TMEM164: variants seen among roughly 807,000 people sequenced by gnomAD.
TMEM164 encodes transmembrane protein 164, also known as RP13-360B22.2.
In TMEM164, 4 loss-of-function variants were observed where a neutral mutation model predicts 18.8. That is an observed-to-expected ratio of 0.21 (90% CI 0.10 to 0.49). TMEM164 has a LOEUF of 0.49. Among genes scored for constraint, TMEM164 ranks in the 20% least tolerant of loss-of-function variants. The pLI, the probability that TMEM164 is intolerant of heterozygous loss-of-function variation, is 0.98. For synonymous variants in TMEM164, 86 were observed against 101.7 expected, an observed-to-expected ratio of 0.85 and a Z score of 0.93; for missense variants, 108 against 239.9, an observed-to-expected ratio of 0.45 and a Z score of 3.63.
chrX:110,173,685 G>T lies in TMEM164; in HGVS notation c.*234G>T. Reference sequence around the variant, plus strand: ...GCGCTGGATTTTCCTCCTTCCCTTTGGCTCTCTCTCTGCTCCTAGTGGCCT... The same window carrying T: ...GCGCTGGATTTTCCTCCTTCCCTTTTGCTCTCTCTCTGCTCCTAGTGGCCT... On this transcript the variant is annotated 3_prime_UTR_variant, in exon 7 of 7. Transcript: ENST00000372068. 2.4e-6 allele frequency: 1 copy of T among 409,297 alleles called. No homozygotes were observed. The highest frequency in any genetic ancestry group is 4.1e-5 in the East Asian group (1 of 24,386). The allele number at this position is 409,297 out of a possible 1,213,427, so 33.7% of individuals were successfully genotyped here.
chrX:110,052,984 C>T, intron 2 of TMEM164, among the ~76,000 whole-genome samples: 1 of 110,659 alleles, frequency 9.0e-6, no homozygotes, highest in Middle Eastern at 4.6e-3. Flanking sequence ...ATCTTTTCAC[C>T]TCATGATCTG....
chrX:110,084,393 G>T (rs28532774), intron 3 of TMEM164, among the ~76,000 whole-genome samples: 1 of 4,195 alleles, frequency 2.4e-4, no homozygotes, highest in Non-Finnish European at 3.4e-4. Context: ...TATATATATA[G>T]TATAGTATAT....
chrX:110,120,271 G>A (rs1183740142), intron 4 of TMEM164, among the ~76,000 whole-genome samples: 2 of 111,456 alleles, frequency 1.8e-5, no homozygotes, highest in African/African-American at 3.3e-5. Context: ...AAGGAACAGC[G>A]TCTGGCAGTC....
At chrX:110,180,485 A>AC (rs1235561540), downstream of TMEM164, among the ~76,000 whole-genome samples, 8 of 101,617 alleles carry the variant, frequency 7.9e-5, no homozygotes, top group East Asian at 3.0e-4. Flanking sequence ...TACTGCCTGA[A>AC]CCCCCCCGCC....
intron 3 of TMEM164, 54 bp downstream of exon 3, chrX:110,067,450 T>C: frequency 9.1e-7 from 1 of 1,095,626 alleles, no homozygotes; most frequent in Non-Finnish European, 1.3e-6. Context: ...TTTGTCTGTT[T>C]GCTAACAAGA....
chrX:110,120,712 G>A (rs979258865), intron 4 of TMEM164, among the ~76,000 whole-genome samples: 22 of 111,654 alleles, frequency 2.0e-4, no homozygotes, highest in African/African-American at 7.2e-4. Flanking sequence ...CTTCGATCTA[G>A]CTATAATTTT....
chrX:110,028,840 G>C (rs986718802), intron 2 of TMEM164, among the ~76,000 whole-genome samples: 2 of 111,658 alleles, frequency 1.8e-5, no homozygotes, highest in African/African-American at 6.5e-5. Context: ...TAATCTATCA[G>C]TTACTGGGAG....
intron 4 of TMEM164, among the ~76,000 whole-genome samples, chrX:110,140,938 G>A (rs756082123): frequency 3.6e-5 from 4 of 111,354 alleles, no homozygotes; most frequent in Admixed American, 9.5e-5. Context: ...GGGGAGGCTC[G>A]CTGAGAAAGT....
intron 2 of TMEM164, among the ~76,000 whole-genome samples, chrX:110,028,944 T>C (rs1382948206): frequency 8.9e-6 from 1 of 111,816 alleles, no homozygotes; most frequent in Non-Finnish European, 1.9e-5. Context: ...GGTTGTGTTA[T>C]TAGGTATAGT....
chrX:110,105,186 ATCC>A (rs2066171095), intron 3 of TMEM164, among the ~76,000 whole-genome samples: 3 of 95,341 alleles, frequency 3.1e-5, no homozygotes, highest in Non-Finnish European at 6.1e-5. Context: ...CCATCCATCC[ATCC>A]ATCCATCCAT....
intron 3 of TMEM164, among the ~76,000 whole-genome samples, chrX:110,107,940 A>T (rs913553788): frequency 9.0e-6 from 1 of 110,987 alleles, no homozygotes; most frequent in African/African-American, 3.3e-5. Context: ...GATTATAGGC[A>T]TGAGCCACCG....
intron 3 of TMEM164, among the ~76,000 whole-genome samples, chrX:110,102,349 TA>T: frequency 9.0e-6 from 1 of 110,747 alleles, no homozygotes; most frequent in Admixed American, 9.6e-5. Context: ...GAGACTGTGT[TA>T]AAAAAATTTT....
chrX:110,180,943 T>C (rs1173122354), downstream of TMEM164, among the ~76,000 whole-genome samples: 1 of 111,859 alleles, frequency 8.9e-6, no homozygotes, highest in Admixed American at 9.4e-5. Flanking sequence ...CTTTTTAGTA[T>C]TGCATTTTTA....
At chrX:110,086,688 G>GTA (rs754308236) in intron 3 of TMEM164, among the ~76,000 whole-genome samples, 26,383 of 106,791 alleles carry the variant, frequency 0.25, 4,177 homozygotes, top group African/African-American at 0.57. Context: ...GTGTGTGTGT[G>GTA]TATATATATA....
At chrX:110,087,206 A>G (rs764346456) in intron 3 of TMEM164, among the ~76,000 whole-genome samples, 1 of 112,063 alleles carries the variant, frequency 8.9e-6, no homozygotes, top group African/African-American at 3.2e-5. Flanking sequence ...TTACTCAATA[A>G]AAGAGCAGTC....
In TMEM164 at chrX:110,176,121, T is replaced by G; in HGVS notation, c.*2670T>G. 1.3e-6 allele frequency: 1 copy of G among 756,598 alleles called. No homozygotes were observed. The highest frequency in any genetic ancestry group is 1.6e-6 in the Non-Finnish European group (1 of 639,630). The allele number at this position is 756,598 out of a possible 1,213,427, so 62.4% of individuals were successfully genotyped here. ...AGCGTGTGGGAGCTCTGCGCGTGTG[T>G]GAGGGTGTTTGTAGAAGAGGGCAGT... On this transcript the variant is annotated 3_prime_UTR_variant, in exon 7 of 7. Coordinates refer to ENST00000372068, the MANE Select transcript of TMEM164 (RefSeq NM_032227.4).
At chrX:110,113,812 C>T (rs1426733700) in intron 4 of TMEM164, among the ~76,000 whole-genome samples, 1 of 111,748 alleles carries the variant, frequency 8.9e-6, no homozygotes, top group Non-Finnish European at 1.9e-5. Context: ...TAAAGCTGAA[C>T]CCTAAAAGAA....
intron 3 of TMEM164, chrX:110,082,224 A>G (rs746998004): frequency 1.9e-4 from 21 of 113,431 alleles, no homozygotes; most frequent in Admixed American, 1.7e-3. Flanking sequence ...TTTGATCTCT[A>G]GTATCTCCAA....
At chrX:110,106,621 G>T (rs929099715) in intron 3 of TMEM164, among the ~76,000 whole-genome samples, 20 of 111,344 alleles carry the variant, frequency 1.8e-4, no homozygotes, top group African/African-American at 6.2e-4. Context: ...TGATCCTCCC[G>T]CCTCAGCCTC....
Sources: gnomAD v4.1 joint callset for allele counts (sites outside exome capture counted in the v4.1 genomes callset) on GRCh38, gnomAD v4.1.1 for gene constraint, MANE v1.5 for transcripts, NCBI Gene and HGNC (gene_info 2026-07-23, HGNC 2026-07-21) for gene names.